The following LCN8 variants were observed in gnomAD, a reference collection of about 807,000 sequenced individuals.
LCN8 encodes the protein lipocalin 8.
Under a neutral mutation model 22.8 loss-of-function variants are expected in LCN8, and 16 were observed. The observed-to-expected ratio is 0.70, with a 90% confidence interval of 0.47 to 1.06. The LOEUF (loss-of-function observed/expected upper bound fraction) is 1.06. Among genes scored for constraint, LCN8 ranks in the 50% least tolerant of loss-of-function variants. The pLI is 0.00. For missense variants in LCN8, 189 were observed against 203.3 expected (o/e 0.93, Z 0.43); for synonymous variants, 92 against 83.4 (o/e 1.10, Z -0.56).
chr9:136,755,327 C>T lies in LCN8; in HGVS notation c.338G>A (p.Ser113Asn). Residue 113 changes from serine to asparagine, a missense_variant, in exon 5 of 7, where the codon AGC (serine) becomes AAC (asparagine). Transcript: ENST00000371688. The part of the protein sequence containing the change: ...NFRVLKYFTR[S>N]LEDKDRLGFW... ...CCCCAGCCGGTCCTTGTCCTCAAGG[C>T]TCCGAGCTGTGGGGCACAGGGGGGC... is the stretch of plus-strand genomic sequence containing the variant. 2 of 1,609,922 alleles carry T rather than the reference C, an allele frequency of 1.2e-6. No homozygotes were observed. The highest frequency in any genetic ancestry group is 1.7e-6 in the Non-Finnish European group (2 of 1,179,996).
rs373110055 is a variant in LCN8 at position 136,757,968 on chromosome 9, C to T, written c.-38G>A. The stretch of plus-strand genomic sequence containing the variant: ...CTGCGCCCGGAGCACCACGAGGACA[C>T]CCAGGATGGTGCACGGCAGCCTGGC... On this transcript the variant is annotated 5_prime_UTR_variant, in exon 1 of 7. It adds an upstream start codon to the 5' untranslated region. Transcript: ENST00000371688. 3 of 1,611,696 alleles carry T rather than the reference C, an allele frequency of 1.9e-6. No homozygotes were observed. In the African/African-American group the frequency reaches 4.0e-5, roughly 22 times the overall value.
intron 3 of LCN8, 157 bp downstream of exon 3, chr9:136,756,365 G>GTTCGGGGAACAGCACAGGGAATAT (rs1847198373): frequency 6.3e-7 from 1 of 1,581,896 alleles, no homozygotes; most frequent in Non-Finnish European, 8.5e-7. Flanking sequence ...ACAGGGAATA[G>GTTCGGGGAACAGCACAGGGAATAT]TTCAGGGAAC....
chr9:136,757,836 A>G, intron 1 of LCN8, 71 bp downstream of exon 1: 2 of 1,612,468 alleles, frequency 1.2e-6, no homozygotes, highest in Non-Finnish European at 1.7e-6. Context: ...ACACCGGGAG[A>G]GGCCTCCTTC....
Position 136,757,978 on chromosome 9 carries a change from T to C in LCN8, c.-48A>G. The stretch of plus-strand genomic sequence containing the variant: ...AGCACCACGAGGACACCCAGGATGG[T>C]GCACGGCAGCCTGGCCTCCGTGGCG... On this transcript the variant is annotated 5_prime_UTR_variant, in exon 1 of 7. Coordinates refer to ENST00000371688, the MANE Select transcript of LCN8 (RefSeq NM_178469.4). 1.9e-6 allele frequency: 3 copies of C among 1,610,402 alleles called. No individual in the cohort carries two copies. The highest frequency in any genetic ancestry group is 1.3e-5 in the African/African-American group (1 of 74,954).
At chr9:136,755,032 C>T in intron 6 of LCN8, 103 bp downstream of exon 6, 1 of 1,443,926 alleles carries the variant, frequency 6.9e-7, no homozygotes, top group South Asian at 1.5e-5. Context: ...GAAGGCCCAG[C>T]CCAGGGCCGG....
At position 136,757,948 on chromosome 9, in the gene LCN8, C is replaced by T; in HGVS notation, c.-18G>A. On this transcript the variant is annotated 5_prime_UTR_variant, in exon 1 of 7. Transcript: ENST00000371688. ...TCCTCCATGGCTGCTGCCACCTGCG[C>T]CCGGAGCACCACGAGGACACCCAGG... 2 of 1,613,102 alleles carry T rather than the reference C, an allele frequency of 1.2e-6. No homozygotes were observed. The highest frequency in any genetic ancestry group is 2.2e-5 in the East Asian group (1 of 44,882).
rs931312143 is a variant in LCN8, at chr9:136,754,842, C to A, written c.447+293G>T. ...GCACAGAACACCGAAGAAAAGGCGC[C>A]ATTTCTGCTCCCCTGCCCCACCCAG... is the stretch of plus-strand genomic sequence containing the variant. On this transcript the variant is annotated intron_variant, in intron 6 of 6. Coordinates refer to ENST00000371688, the MANE Select transcript of LCN8 (RefSeq NM_178469.4). 20 of 1,349,976 alleles carry A rather than the reference C, an allele frequency of 1.5e-5. No homozygotes were observed. The African/African-American group carries it at 2.5e-4, about 17-fold the overall frequency. 83.6% of individuals were successfully genotyped at this position (1,349,976 alleles called of 1,614,324 possible).
rs766302053 is a variant in LCN8 at position 136,758,080 on chromosome 9, C to T, written c.-150G>A. 9 of 1,488,268 alleles carry T rather than the reference C, an allele frequency of 6.0e-6. No individual in the cohort carries two copies. In the East Asian group the frequency reaches 7.5e-5, roughly 12 times the overall value. 92.2% of individuals were successfully genotyped at this position (1,488,268 alleles called of 1,614,324 possible). A position where few individuals can be genotyped will look rare whatever the true frequency, so the allele number is the denominator to read the frequency against. On this transcript the variant is annotated 5_prime_UTR_variant, in exon 1 of 7. Coordinates refer to ENST00000371688, the MANE Select transcript of LCN8 (RefSeq NM_178469.4). ...GACAGTGCAGGCTTGTGCGCCCACC[C>T]GGGAATGTCATCAGGACAGCTTGGC...
At chr9:136,755,849 C>A (rs557870753) in intron 3 of LCN8, 1 of 1,073,288 alleles carries the variant, frequency 9.3e-7, no homozygotes, top group East Asian at 1.1e-4. Context: ...GCATGGGGAA[C>A]GGCACAGAGA....
chr9:136,754,706 G>A, intron 6 of LCN8, 197 bp from the exon 7 acceptor site: 2 of 1,410,520 alleles, frequency 1.4e-6, no homozygotes, highest in African/African-American at 1.5e-5. Context: ...GCGAGGTGAG[G>A]GAGACACTGG....
In LCN8 at chr9:136,755,450, A is replaced by G; in HGVS notation, c.293T>C (p.Met98Thr). 6.2e-7 allele frequency: 1 copy of G among 1,613,368 alleles called. No individual in the cohort carries two copies. The highest frequency in any genetic ancestry group is 1.1e-5 in the South Asian group (1 of 91,082). ...EGYAILRVSL[M>T]WRGRNFRVLK... ...GACGCGAAAGTTCCTGCCCCGCCAC[A>G]TCAGGGACACCCGCAGGATGGCGTA... Residue 98 changes from methionine (M) to threonine (T), a missense_variant, in exon 4 of 7, where the codon ATG becomes ACG. By Grantham distance (81) the Met-to-Thr change is moderately conservative (BLOSUM62 -1). Transcript: ENST00000371688.
At position 136,757,452 on chromosome 9, in the gene LCN8, G is replaced by T. The variant is rs930337620; in HGVS notation, c.25-284C>A. ...GTCCCTAGGGCTTCTGCGACATGTC[G>T]GGAGGAACCACAGGCCCTGCCTGAC... On this transcript the variant is annotated intron_variant, in intron 1 of 6. Coordinates refer to ENST00000371688, the MANE Select transcript of LCN8 (RefSeq NM_178469.4). 2.2e-6 allele frequency: 3 copies of T among 1,366,332 alleles called. No individual in the cohort carries two copies. The African/African-American group carries it at 4.4e-5, about 20-fold the overall frequency. 84.6% of individuals were successfully genotyped at this position (1,366,332 alleles called of 1,614,324 possible). A position where few individuals can be genotyped will look rare whatever the true frequency, so the allele number is the denominator to read the frequency against.
At chr9:136,754,603 G>T (rs945267431) in intron 6 of LCN8, 94 bp from the exon 7 acceptor site, 9 of 1,497,774 alleles carry the variant, frequency 6.0e-6, no homozygotes, top group South Asian at 3.8e-5. Flanking sequence ...TTCTGTCCTC[G>T]CTGCCTGGTT....
chr9:136,757,232 A>G, intron 1 of LCN8, 64 bp from the exon 2 acceptor site: 2 of 1,571,100 alleles, frequency 1.3e-6, no homozygotes, highest in Non-Finnish European at 1.7e-6. Context: ...GGGGCATTCC[A>G]CGAACCCCCG....
At chr9:136,754,824 A>C (rs2131085271) in intron 6 of LCN8, 4 of 1,348,660 alleles carry the variant, frequency 3.0e-6, no homozygotes, top group Admixed American at 3.5e-5. Flanking sequence ...CCTGCACAGA[A>C]CACCGAAGAA....
chr9:136,755,150 G>C lies in LCN8; in HGVS notation c.432C>G (p.Ala144=), dbSNP rs745363758. ...LYLAARPGRC[A]ELLKEELI is the part of the protein sequence containing the mutation. ...TCAGGCTCACCTCCTTCAGGAGCTC[G>C]GCACACCGCCCTGCAGGATAGGCCA... Residue 144 remains alanine, a synonymous_variant, in exon 6 of 7, where the codon GCC becomes GCG. Transcript: ENST00000371688. 6.3e-7 allele frequency: 1 copy of C among 1,589,334 alleles called. No homozygotes were observed. Among genetic ancestry groups the C allele is most frequent in the South Asian group, 1.1e-5 (1 of 88,294 alleles).
At chr9:136,756,931 C>T (rs1182559634) in intron 2 of LCN8, 107 bp downstream of exon 2, 3 of 1,309,932 alleles carry the variant, frequency 2.3e-6, no homozygotes, top group East Asian at 2.5e-5. Context: ...GGCCCACCAG[C>T]GGGACGGCAC....
At chr9:136,754,849 G>A in intron 6 of LCN8, 1 of 1,347,024 alleles carries the variant, frequency 7.4e-7, no homozygotes, top group Non-Finnish European at 9.5e-7. Flanking sequence ...CGCCATTTCT[G>A]CTCCCCTGCC....
At chr9:136,754,970 T>C in intron 6 of LCN8, 165 bp downstream of exon 6, 1 of 1,407,206 alleles carries the variant, frequency 7.1e-7, no homozygotes, top group Non-Finnish European at 9.2e-7. Context: ...CAGACTCATC[T>C]CTGGAGCTGC....
Sources: allele counts gnomAD v4.1 joint callset, GRCh38; gene constraint gnomAD v4.1.1; transcripts MANE v1.5; gene names NCBI Gene and HGNC (gene_info 2026-07-23, HGNC 2026-07-21).